The following ANGPTL6 variants were observed in gnomAD, a reference collection of about 807,000 sequenced individuals.
ANGPTL6 encodes angiopoietin like 6.
A neutral mutation model predicts 47.4 loss-of-function variants in ANGPTL6; 45 were observed. The ratio of observed to expected loss-of-function variants is 0.95; its 90% confidence interval spans 0.75 to 1.22. ANGPTL6 has a LOEUF of 1.22. Among genes scored for constraint, ANGPTL6 ranks in the 50% most tolerant of loss-of-function variants. The probability of loss-of-function intolerance (pLI) is 0.00; values close to 1 mark genes in which losing one functional copy is unlikely to be tolerated. For missense variants in ANGPTL6, 698 were observed against 669.4 expected (o/e 1.04, Z -0.47); for synonymous variants, 290 against 295.9 (o/e 0.98, Z 0.20).
chr19:10,092,505 A>G lies in ANGPTL6; in HGVS notation c.*84T>C, dbSNP rs1283202979. The G allele has an allele frequency of 1.4e-5, 22 of 1,522,148 alleles. No individual in the cohort carries two copies. Among genetic ancestry groups the G allele is most frequent in the Non-Finnish European group, 2.0e-5 (22 of 1,126,808 alleles). The allele number at this position is 1,522,148 out of a possible 1,614,324, so 94.3% of individuals were successfully genotyped here. A position where few individuals can be genotyped will look rare whatever the true frequency, so the allele number is the denominator to read the frequency against. On this transcript the variant is annotated 3_prime_UTR_variant, in exon 6 of 6. Coordinates refer to ENST00000253109, the MANE Select transcript of ANGPTL6 (RefSeq NM_031917.3). Reference sequence around the variant, plus strand: ...AGTTCTGTGGGACACATTGGCACTGAGCCACAAAGAAGGTGTGGCCAGAAC... The same window carrying G: ...AGTTCTGTGGGACACATTGGCACTGGGCCACAAAGAAGGTGTGGCCAGAAC...
rs1429851629 is a variant in ANGPTL6, at chr19:10,096,099, G to C, written c.465C>G (p.Ala155=). Residue 155 remains alanine, a synonymous_variant, in exon 2 of 6, where the codon GCC becomes GCG. Transcript: ENST00000253109. Reference sequence around the variant, plus strand: ...ACTTGACGTCCAGCTGGTGGAACCGGGCGGCTGCGCGCTGAGCCTCGGCGG... The same window carrying C: ...ACTTGACGTCCAGCTGGTGGAACCGCGCGGCTGCGCGCTGAGCCTCGGCGG... ...NASAEAQRAA[A]RFHQLDVKFR... 2 of 1,491,234 alleles carry C rather than the reference G, an allele frequency of 1.3e-6. No individual in the cohort carries two copies. Among genetic ancestry groups the C allele is most frequent in the South Asian group, 2.5e-5 (2 of 79,556 alleles). The allele number at this position is 1,491,234 out of a possible 1,614,324, so 92.4% of individuals were successfully genotyped here.
rs1415765404 is a variant in ANGPTL6, at chr19:10,094,668, G to T, written c.763+90C>A. ...CAGAATAGGAGTATCATTTCTTCTGGTCTTCTCACAATGAGAGAAATCTGC... is the reference window on the plus strand; with the variant it reads ...CAGAATAGGAGTATCATTTCTTCTGTTCTTCTCACAATGAGAGAAATCTGC... On this transcript the variant is annotated intron_variant, in intron 3 of 5. Transcript: ENST00000253109. The T allele has an allele frequency of 8.3e-5, 123 of 1,478,106 alleles. 1 individual carries two copies. The highest frequency in any genetic ancestry group is 1.1e-4 in the Non-Finnish European group (117 of 1,059,240). 91.6% of individuals were successfully genotyped at this position (1,478,106 alleles called of 1,614,324 possible).
intron 1 of ANGPTL6, among the ~76,000 whole-genome samples, chr19:10,100,942 G>A (rs969052884): frequency 4.0e-5 from 6 of 151,408 alleles, no homozygotes; most frequent in African/African-American, 1.5e-4. Context: ...TTGGGAGGCC[G>A]AGGTGCCTGT....
In ANGPTL6 at chr19:10,096,019, T is replaced by C. The variant is rs1295619938; in HGVS notation, c.545A>G (p.Glu182Gly). 4.4e-6 allele frequency: 6 copies of C among 1,369,420 alleles called. No homozygotes were observed. Among genetic ancestry groups the C allele is most frequent in the African/African-American group, 1.5e-5 (1 of 66,468 alleles). The allele number at this position is 1,369,420 out of a possible 1,614,324, so 84.8% of individuals were successfully genotyped here. ...GCCCGCGCCTCCCGGGCACAGGCGC[T>C]CCAGGCGGGCGATGAGACTGCTCTG... Reference protein sequence around the residue: ...TQQSSLIARLERLCPGGAGGQ... With the variant: ...TQQSSLIARLGRLCPGGAGGQ... The change falls in exon 2 of 6, where the codon GAG (glutamate) becomes GGG (glycine). Residue 182 changes from glutamate to glycine, a missense_variant. Physicochemically the swap from Glu to Gly is moderately conservative, Grantham distance 98 (BLOSUM62 -2). Transcript: ENST00000253109.
intron 3 of ANGPTL6, 117 bp downstream of exon 3, chr19:10,094,641 A>T (rs1030815857): frequency 7.9e-7 from 1 of 1,273,468 alleles, no homozygotes; most frequent in African/African-American, 1.5e-5. Flanking sequence ...CTTATTTTTA[A>T]TCAGAATAGG....
At chr19:10,096,913 G>A (rs1203987046) in intron 1 of ANGPTL6, among the ~76,000 whole-genome samples, 1 of 144,216 alleles carries the variant, frequency 6.9e-6, no homozygotes, top group Non-Finnish European at 1.5e-5. Flanking sequence ...GGGCAACATG[G>A]GGAGACCCCT....
Position 10,093,898 on chromosome 19 carries a change from G to T in ANGPTL6, c.764-18C>A, listed in dbSNP as rs112377209. 6.2e-7 allele frequency: 1 copy of T among 1,604,088 alleles called. No homozygotes were observed. Among genetic ancestry groups the T allele is most frequent in the Middle Eastern group, 1.7e-4 (1 of 6,058 alleles). ...CCACGGGCCTGTGGGCACAGGGATA[G>T]GGGGGAGGCACAGCCTGGGCTGACC... On this transcript the variant is annotated intron_variant, in intron 3 of 5. Transcript: ENST00000253109.
In ANGPTL6 at chr19:10,096,495, G is replaced by A. The variant is rs1259950023; in HGVS notation, c.69C>T (p.Gly23=). ...CGAAGGTGTAGGTGCAGCGCGGGGC[G>A]CCCGCCCGCGCCCACGACGCGCCCA... ...LLLGASWARA[G]APRCTYTFVL... is the part of the protein sequence containing the mutation. The change falls in exon 2 of 6, where the codon GGC becomes GGT. Residue 23 remains glycine (G), a synonymous_variant. Coordinates refer to ENST00000253109, the MANE Select transcript of ANGPTL6 (RefSeq NM_031917.3). The A allele has an allele frequency of 6.6e-7, 1 of 1,511,406 alleles. No individual in the cohort carries two copies. 93.6% of individuals were successfully genotyped at this position (1,511,406 alleles called of 1,614,324 possible).
At chr19:10,093,319 T>C in intron 5 of ANGPTL6, 30 bp downstream of exon 5, 1 of 1,597,732 alleles carries the variant, frequency 6.3e-7, no homozygotes, top group South Asian at 1.1e-5. Flanking sequence ...GCCTCCCCTA[T>C]CCTCTCACCA....
chr19:10,096,931 CAAA>C (rs59730305), intron 1 of ANGPTL6, among the ~76,000 whole-genome samples: 17 of 118,708 alleles, frequency 1.4e-4, no homozygotes, highest in Admixed American at 4.3e-4. Flanking sequence ...CCTGTCTCTA[CAAA>C]AAAAAAAAAA....
intron 2 of ANGPTL6, among the ~76,000 whole-genome samples, chr19:10,095,328 C>T (rs2088503944): frequency 6.6e-6 from 1 of 152,194 alleles, no homozygotes; most frequent in Non-Finnish European, 1.5e-5. Context: ...AGGAGGATCG[C>T]TTGAACCTGG....
At chr19:10,104,276 C>T (rs1004621397), upstream of ANGPTL6, among the ~76,000 whole-genome samples, 2 of 139,552 alleles carry the variant, frequency 1.4e-5, no homozygotes, top group Non-Finnish European at 3.1e-5. Context: ...ACAGTGATAG[C>T]TATCTTTCTT....
chr19:10,104,498 A>C (rs779705706), upstream of ANGPTL6, among the ~76,000 whole-genome samples: 21 of 152,170 alleles, frequency 1.4e-4, no homozygotes, highest in Non-Finnish European at 1.9e-4. Flanking sequence ...TTGTCATTGG[A>C]GAGAATATAT....
upstream of ANGPTL6, among the ~76,000 whole-genome samples, chr19:10,104,017 C>CG (rs919924750): frequency 6.0e-5 from 8 of 132,850 alleles, no homozygotes; most frequent in African/African-American, 2.0e-4. Flanking sequence ...CGCTTGAACC[C>CG]GGGGGGCGGA....
rs1382280735 is a variant in ANGPTL6, at chr19:10,094,494, T to C, written c.763+264A>G. The C allele has an allele frequency of 8.0e-6, 4 of 502,414 alleles. No individual in the cohort carries two copies. The East Asian group carries it at 1.6e-4, about 20-fold the overall frequency. 31.1% of individuals were successfully genotyped at this position (502,414 alleles called of 1,614,324 possible). A position where few individuals can be genotyped will look rare whatever the true frequency, so the allele number is the denominator to read the frequency against. ...GTTTTTTATGGTCTCCTCACCATAATATAAGTCCTGAATATGATACTCTGA... is the reference window on the plus strand; with the variant it reads ...GTTTTTTATGGTCTCCTCACCATAACATAAGTCCTGAATATGATACTCTGA... On this transcript the variant is annotated intron_variant, in intron 3 of 5. Coordinates refer to ENST00000253109, the MANE Select transcript of ANGPTL6 (RefSeq NM_031917.3).
chr19:10,094,511 A>C, intron 3 of ANGPTL6: 1 of 556,744 alleles, frequency 1.8e-6, no homozygotes. Flanking sequence ...CCTGAATATG[A>C]TACTCTGAAC....
upstream of ANGPTL6, among the ~76,000 whole-genome samples, chr19:10,105,388 A>G (rs564033973): frequency 1.3e-5 from 2 of 152,254 alleles, no homozygotes; most frequent in African/African-American, 4.8e-5. Context: ...GGAGAGACAT[A>G]GGGAGATGGC....
Position 10,092,503 on chromosome 19 carries a change from T to G in ANGPTL6, c.*86A>C. The G allele has an allele frequency of 6.6e-7, 1 of 1,524,690 alleles. No homozygotes were observed. The highest frequency in any genetic ancestry group is 8.9e-7 in the Non-Finnish European group (1 of 1,128,986). The allele number at this position is 1,524,690 out of a possible 1,614,324, so 94.4% of individuals were successfully genotyped here. A position where few individuals can be genotyped will look rare whatever the true frequency, so the allele number is the denominator to read the frequency against. Reference sequence around the variant, plus strand: ...GAAGTTCTGTGGGACACATTGGCACTGAGCCACAAAGAAGGTGTGGCCAGA... The same window carrying G: ...GAAGTTCTGTGGGACACATTGGCACGGAGCCACAAAGAAGGTGTGGCCAGA... On this transcript the variant is annotated 3_prime_UTR_variant, in exon 6 of 6. Coordinates refer to ENST00000253109, the MANE Select transcript of ANGPTL6 (RefSeq NM_031917.3).
At position 10,097,076 on chromosome 19, in the gene ANGPTL6, G is replaced by A. The variant is rs1183704531; in HGVS notation, c.-10-503C>T. On this transcript the variant is annotated intron_variant, in intron 1 of 5. Transcript: ENST00000253109. ...ATCGCTCCCCTGCACTCCAGCCCGG[G>A]CAACAAAGTGATAGCCCATCTCAAA... Among the ~76,000 whole-genome samples the A allele has an allele frequency of 2.0e-5, 3 of 151,958 alleles. No individual in the cohort carries two copies. The East Asian group carries it at 5.8e-4, about 29-fold the overall frequency.
Sources: allele counts gnomAD v4.1 joint callset (sites outside exome capture counted in the v4.1 genomes callset), GRCh38; gene constraint gnomAD v4.1.1; transcripts MANE v1.5; gene names NCBI Gene and HGNC (gene_info 2026-07-23, HGNC 2026-07-21).